ADGRL3: variants seen among roughly 807,000 people sequenced by gnomAD.
ADGRL3 encodes calcium-independent alpha-latrotoxin receptor 3.
ADGRL3 carries 62 observed loss-of-function variants against 153.5 expected under a neutral mutation model. The observed-to-expected ratio is 0.40, with a 90% CI of 0.33 to 0.50. ADGRL3 has a LOEUF of 0.50. Among genes scored for constraint, ADGRL3 ranks in the 20% least tolerant of loss-of-function variants. The pLI is 0.47. For synonymous variants in ADGRL3, 710 were observed against 672.5 expected (o/e 1.06, Z -0.86); for missense variants, 1,641 against 1,859.4 (o/e 0.88, Z 2.16).
chr4:61,277,360 A>T (rs374968173), intron 1 of ADGRL3, among the ~76,000 whole-genome samples: 2 of 152,192 alleles, frequency 1.3e-5, no homozygotes, highest in South Asian at 2.1e-4. Context: ...ATGAATGCAG[A>T]TAACATAAAA....
intron 17 of ADGRL3, among the ~76,000 whole-genome samples, chr4:61,967,979 G>A (rs1276899611): frequency 6.6e-6 from 1 of 152,156 alleles, no homozygotes; most frequent in Non-Finnish European, 1.5e-5. Flanking sequence ...GAATAAGGGT[G>A]CTAAAGAGGG....
At chr4:61,254,003 G>A (rs1016760685) in intron 1 of ADGRL3, among the ~76,000 whole-genome samples, 1 of 152,058 alleles carries the variant, frequency 6.6e-6, no homozygotes, top group Non-Finnish European at 1.5e-5. Flanking sequence ...AATTCTGAGT[G>A]TATACATCTT....
intron 9 of ADGRL3, among the ~76,000 whole-genome samples, chr4:61,870,670 TG>T (rs2098438388): frequency 6.6e-6 from 1 of 152,134 alleles, no homozygotes; most frequent in Non-Finnish European, 1.5e-5. Context: ...GATATACAAA[TG>T]GCCAATAAGC....
At chr4:61,361,201 G>C (rs763772656) in intron 1 of ADGRL3, among the ~76,000 whole-genome samples, 12 of 152,018 alleles carry the variant, frequency 7.9e-5, no homozygotes, top group African/African-American at 2.4e-4. Context: ...AATGTCTGTA[G>C]CTCTCATTTC....
intron 2 of ADGRL3, among the ~76,000 whole-genome samples, chr4:61,424,457 C>T (rs369239764): frequency 3.5e-4 from 53 of 152,234 alleles, no homozygotes; most frequent in African/African-American, 1.1e-3. Flanking sequence ...TACTAATATC[C>T]CTGTTACGCT....
chr4:61,394,838 G>A (rs979928699), intron 2 of ADGRL3, among the ~76,000 whole-genome samples: 2 of 152,072 alleles, frequency 1.3e-5, no homozygotes, highest in Admixed American at 1.3e-4. Flanking sequence ...ATGGAAGCAA[G>A]CAGTTGTTTG....
chr4:61,220,915 A>G (rs906243141), intron 1 of ADGRL3, among the ~76,000 whole-genome samples: 4 of 152,252 alleles, frequency 2.6e-5, no homozygotes, highest in African/African-American at 9.6e-5. Context: ...GCATATATAC[A>G]TAATATATAT....
At chr4:61,642,242 G>A (rs1045204716) in intron 5 of ADGRL3, among the ~76,000 whole-genome samples, 14 of 152,038 alleles carry the variant, frequency 9.2e-5, no homozygotes, top group African/African-American at 3.1e-4. Flanking sequence ...TAGGTTGCCT[G>A]TTCACTCTGA....
At chr4:61,535,127 T>A (rs1560799534) in intron 4 of ADGRL3, among the ~76,000 whole-genome samples, 1 of 151,994 alleles carries the variant, frequency 6.6e-6, no homozygotes, top group Non-Finnish European at 1.5e-5. Context: ...CCTAGTTTGT[T>A]GAGGGTTTTT....
At chr4:61,374,715 A>AT (rs1052590732) in intron 1 of ADGRL3, among the ~76,000 whole-genome samples, 7 of 151,414 alleles carry the variant, frequency 4.6e-5, no homozygotes, top group Admixed American at 1.3e-4. Flanking sequence ...CTCCAGCCAG[A>AT]TTTTTTTTTC....
At chr4:61,683,541 C>G (rs781286328) in intron 6 of ADGRL3, among the ~76,000 whole-genome samples, 1 of 152,026 alleles carries the variant, frequency 6.6e-6, no homozygotes, top group Non-Finnish European at 1.5e-5. Flanking sequence ...ATGGGGAGTG[C>G]ATGCTGATTG....
chr4:61,769,319 C>T (rs532211635), intron 8 of ADGRL3, among the ~76,000 whole-genome samples: 95 of 151,740 alleles, frequency 6.3e-4, no homozygotes, highest in Admixed American at 1.5e-3. Flanking sequence ...TGAAGTGTGG[C>T]GCCAAGATTG....
intron 2 of ADGRL3, among the ~76,000 whole-genome samples, chr4:61,412,205 C>T (rs563139219): frequency 4.6e-5 from 7 of 152,204 alleles, no homozygotes; most frequent in South Asian, 2.1e-4. Flanking sequence ...CTCAGCCTCA[C>T]GAGGGAGCTG....
chr4:61,610,712 A>G (rs538841443), intron 5 of ADGRL3, among the ~76,000 whole-genome samples: 1 of 152,290 alleles, frequency 6.6e-6, no homozygotes, highest in East Asian at 1.9e-4. Context: ...CTAACATATT[A>G]TCTGCTTGTC....
chr4:61,709,304 A>T (rs1181972766), intron 6 of ADGRL3, among the ~76,000 whole-genome samples: 2 of 152,130 alleles, frequency 1.3e-5, no homozygotes, highest in East Asian at 3.8e-4. Context: ...ATGTTACCTA[A>T]TTGGCCTATG....
In ADGRL3 at chr4:62,031,559, T is replaced by G; in HGVS notation, c.3540T>G (p.Asn1180Lys). Residue 1180 changes from asparagine to lysine, a missense_variant, in exon 23 of 27, where the codon AAT (asparagine) becomes AAG (lysine). Around this residue, in one of 5 missense-constraint regions of ADGRL3, gnomAD observed 517 missense variants for 555.0 expected, o/e 0.93. Coordinates refer to ENST00000683033, the MANE Select transcript of ADGRL3 (RefSeq NM_001387552.1). The stretch of plus-strand genomic sequence containing the variant: ...TGGCCTATCTCTTCACCATTTTCAA[T>G]TCTCTACAGGGAATGTTTATATTTA... ...VIMAYLFTIF[N>K]SLQGMFIFIF... 2 of 1,610,316 alleles carry G rather than the reference T, an allele frequency of 1.2e-6. No individual in the cohort carries two copies. Among genetic ancestry groups the G allele is most frequent in the Non-Finnish European group, 1.7e-6 (2 of 1,177,256 alleles).
intron 1 of ADGRL3, among the ~76,000 whole-genome samples, chr4:61,329,314 T>C (rs1196816437): frequency 1.3e-5 from 2 of 152,200 alleles, no homozygotes; most frequent in African/African-American, 4.8e-5. Flanking sequence ...TCAACAGTAT[T>C]GTATTATTTC....
intron 1 of ADGRL3, among the ~76,000 whole-genome samples, chr4:61,223,011 T>C (rs1746376817): frequency 6.6e-6 from 1 of 152,160 alleles, no homozygotes; most frequent in Non-Finnish European, 1.5e-5. Flanking sequence ...TGTTGATGTT[T>C]GTCTAGGCTA....
At chr4:61,508,236 T>C (rs1038907696) in intron 3 of ADGRL3, among the ~76,000 whole-genome samples, 2 of 152,202 alleles carry the variant, frequency 1.3e-5, no homozygotes, top group Non-Finnish European at 2.9e-5. Context: ...AGGCAACGAT[T>C]ATAATGAAAG....
Sources: allele counts gnomAD v4.1 joint callset (sites outside exome capture counted in the v4.1 genomes callset), GRCh38; gene constraint gnomAD v4.1.1; regional missense constraint gnomAD v4.1.1; transcripts MANE v1.5; gene names NCBI Gene and HGNC (gene_info 2026-07-23, HGNC 2026-07-21).